Variants in MSRA observed in about 807,000 individuals in gnomAD.
The protein encoded by MSRA is mitochondrial peptide methionine sulfoxide reductase.
Under a neutral mutation model 31.3 loss-of-function variants are expected in MSRA, and 54 were observed. That is an observed-to-expected ratio of 1.73 (90% confidence interval 1.39 to 2.17). The LOEUF is 2.17. Among genes scored for constraint, MSRA ranks in the 30% most tolerant of loss-of-function variants. The pLI is 0.00. For missense variants in MSRA, 507 were observed against 300.9 expected (o/e 1.69, Z -5.07); for synonymous variants, 169 against 116.5 (o/e 1.45, Z -2.90).
chr8:10,209,051 C>G (rs927021788), intron 2 of MSRA, among the ~76,000 whole-genome samples: 1 of 152,206 alleles, frequency 6.6e-6, no homozygotes, highest in African/African-American at 2.4e-5. Context: ...GTTGGTAAAT[C>G]ATGCTCTGTG....
At chr8:10,277,363 C>T (rs1387768604) in intron 3 of MSRA, among the ~76,000 whole-genome samples, 2 of 152,224 alleles carry the variant, frequency 1.3e-5, no homozygotes, top group Non-Finnish European at 2.9e-5. Context: ...ACTCCACTTT[C>T]TCTCACCAAA....
In MSRA at chr8:10,077,929, A is replaced by G. The variant is rs558907652; in HGVS notation, c.142+23271A>G. ...TTATATATGTCAAGATGTATCTCAC[A>G]GCATCTTATTCACCCTAATATTAGT... On this transcript the variant is annotated intron_variant, in intron 1 of 5. Transcript: ENST00000317173. Among the ~76,000 whole-genome samples, 149 of 152,322 alleles carry G rather than the reference A, an allele frequency of 9.8e-4. 1 individual carries two copies. Among genetic ancestry groups the G allele is most frequent in the Middle Eastern group, 6.8e-3 (2 of 294 alleles).
At chr8:10,318,978 C>G (rs552198769) in intron 4 of MSRA, among the ~76,000 whole-genome samples, 1 of 152,298 alleles carries the variant, frequency 6.6e-6, no homozygotes, top group Non-Finnish European at 1.5e-5. Context: ...TGGCGCCCAC[C>G]TGCTGCCAAG....
intron 1 of MSRA, among the ~76,000 whole-genome samples, chr8:10,121,767 C>G (rs770550163): frequency 6.6e-6 from 1 of 151,838 alleles, no homozygotes; most frequent in Non-Finnish European, 1.5e-5. Context: ...GACTCCTAAG[C>G]TCAAGCGATC....
chr8:10,077,573 T>A (rs1390487571), intron 1 of MSRA, among the ~76,000 whole-genome samples: 1 of 149,758 alleles, frequency 6.7e-6, no homozygotes, highest in East Asian at 2.0e-4. Context: ...CCCTCCCTCC[T>A]GAGTCTCTCT....
intron 1 of MSRA, among the ~76,000 whole-genome samples, chr8:10,136,915 C>T (rs192527922): frequency 6.6e-6 from 1 of 152,348 alleles, no homozygotes; most frequent in Admixed American, 6.5e-5. Context: ...GTCTGTCCAG[C>T]ATGGACGGCA....
chr8:10,063,396 A>T (rs1797305437), intron 1 of MSRA, among the ~76,000 whole-genome samples: 1 of 152,112 alleles, frequency 6.6e-6, no homozygotes, highest in African/African-American at 2.4e-5. Flanking sequence ...GTCCAATGAC[A>T]CTCTTCAATG....
At chr8:10,109,980 T>G (rs1347287740) in intron 1 of MSRA, among the ~76,000 whole-genome samples, 1 of 152,138 alleles carries the variant, frequency 6.6e-6, no homozygotes, top group South Asian at 2.1e-4. Flanking sequence ...ATTAGCAAGT[T>G]CACCCTTAGT....
chr8:10,207,938 T>C (rs368012300), intron 2 of MSRA, 37 bp downstream of exon 2: 50 of 1,557,680 alleles, frequency 3.2e-5, no homozygotes, highest in Non-Finnish European at 4.1e-5. Flanking sequence ...CCAAATTGTG[T>C]GCAAAGACTA....
intron 5 of MSRA, among the ~76,000 whole-genome samples, chr8:10,370,010 A>C (rs1394378754): frequency 6.6e-6 from 1 of 152,222 alleles, no homozygotes; most frequent in Non-Finnish European, 1.5e-5. Flanking sequence ...CATATTGAAG[A>C]AGAAACTAGA....
At chr8:10,258,964 G>A (rs761423290) in intron 3 of MSRA, among the ~76,000 whole-genome samples, 18 of 152,082 alleles carry the variant, frequency 1.2e-4, no homozygotes, top group African/African-American at 4.1e-4. Flanking sequence ...AAAACTAGCC[G>A]GGTGTGGTGG....
intron 3 of MSRA, among the ~76,000 whole-genome samples, chr8:10,269,009 C>G (rs1003166771): frequency 3.3e-5 from 5 of 152,214 alleles, no homozygotes; most frequent in African/African-American, 1.2e-4. Flanking sequence ...CCCGCAAACC[C>G]ATTTGCAGGT....
intron 1 of MSRA, among the ~76,000 whole-genome samples, chr8:10,058,751 G>T (rs1802538393): frequency 6.6e-6 from 1 of 152,214 alleles, no homozygotes; most frequent in Admixed American, 6.5e-5. Context: ...TTTACAGTGT[G>T]CACTGTTAGC....
chr8:10,285,744 T>A (rs1799902025), intron 3 of MSRA, among the ~76,000 whole-genome samples: 1 of 152,166 alleles, frequency 6.6e-6, no homozygotes, highest in Non-Finnish European at 1.5e-5. Context: ...ACATGCGGTA[T>A]TTATCTTCCT....
chr8:10,090,943 T>G (rs1417850416), intron 1 of MSRA, among the ~76,000 whole-genome samples: 2 of 152,200 alleles, frequency 1.3e-5, no homozygotes, highest in Non-Finnish European at 2.9e-5. Flanking sequence ...CTGCTGAACA[T>G]GGGGATTGTT....
intron 2 of MSRA, among the ~76,000 whole-genome samples, chr8:10,215,850 T>G (rs1379165869): frequency 6.6e-6 from 1 of 152,262 alleles, no homozygotes; most frequent in Non-Finnish European, 1.5e-5. Flanking sequence ...CGTTTTTTCC[T>G]TTAAGTTTTG....
intron 5 of MSRA, among the ~76,000 whole-genome samples, chr8:10,418,666 A>T (rs766103053): frequency 1.1e-4 from 17 of 152,074 alleles, no homozygotes; most frequent in Non-Finnish European, 2.1e-4. Context: ...TTCTAGTAAT[A>T]CTTTTTTCTA....
At chr8:10,258,938 A>G (rs911558928) in intron 3 of MSRA, among the ~76,000 whole-genome samples, 16 of 152,072 alleles carry the variant, frequency 1.1e-4, no homozygotes, top group Non-Finnish European at 2.1e-4. Flanking sequence ...GAAACCCTGT[A>G]TGTACTAAAA....
intron 1 of MSRA, among the ~76,000 whole-genome samples, chr8:10,115,990 G>T (rs1052790445): frequency 6.6e-6 from 1 of 152,204 alleles, no homozygotes; most frequent in Admixed American, 6.5e-5. Flanking sequence ...CTTGATTCAC[G>T]CATGGTGGCT....
Sources: gnomAD v4.1 joint callset for allele counts (sites outside exome capture counted in the v4.1 genomes callset) on GRCh38, gnomAD v4.1.1 for gene constraint, MANE v1.5 for transcripts, NCBI Gene and HGNC (gene_info 2026-07-23, HGNC 2026-07-21) for gene names.